The following CDK14 variants were observed in gnomAD, a reference collection of about 807,000 sequenced individuals.
CDK14 encodes cyclin-dependent kinase 14.
Under a neutral mutation model 60.7 loss-of-function variants are expected in CDK14, and 34 were observed. That is an observed-to-expected ratio of 0.56 (90% CI 0.43 to 0.75). The LOEUF (loss-of-function observed/expected upper bound fraction) is 0.75, where lower values mean the gene tolerates loss of function less well. Among genes scored for constraint, CDK14 ranks in the 30% least tolerant of loss-of-function variants. The pLI is 0.00. For synonymous variants in CDK14, 197 were observed against 203.7 expected, an observed-to-expected ratio of 0.97 and a Z score of 0.28; for missense variants, 482 against 564.1, an observed-to-expected ratio of 0.85 and a Z score of 1.47.
intron 2 of CDK14, among the ~76,000 whole-genome samples, chr7:90,656,611 C>G (rs1180544861): frequency 1.3e-5 from 2 of 152,128 alleles, no homozygotes; most frequent in Non-Finnish European, 2.9e-5. Context: ...AACTTCTGAC[C>G]TTGTGATCTG....
chr7:90,599,925 A>G (rs6945415), intron 1 of CDK14, among the ~76,000 whole-genome samples: 96,760 of 152,080 alleles, frequency 0.64, 31,633 homozygotes, highest in Non-Finnish European at 0.72. Flanking sequence ...TAATAATTCT[A>G]AATACATAAA....
intron 3 of CDK14, among the ~76,000 whole-genome samples, chr7:90,730,749 A>T (rs1802829609): frequency 6.6e-6 from 1 of 152,144 alleles, no homozygotes. Context: ...GATTCTGGAT[A>T]TTAGCCCTTT....
chr7:90,899,037 A>G (rs1792420505), intron 6 of CDK14, among the ~76,000 whole-genome samples: 1 of 151,956 alleles, frequency 6.6e-6, no homozygotes, highest in African/African-American at 2.4e-5. Flanking sequence ...GACACTTAAC[A>G]AATTATGGAC....
At chr7:91,131,998 T>TCTG (rs1584105804) in intron 14 of CDK14, among the ~76,000 whole-genome samples, 4 of 121,528 alleles carry the variant, frequency 3.3e-5, no homozygotes, top group South Asian at 2.5e-4. Context: ...AGGAAGTTTT[T>TCTG]TTGTTGGTTG....
At chr7:90,907,855 A>G (rs572949777) in intron 7 of CDK14, among the ~76,000 whole-genome samples, 1 of 152,256 alleles carries the variant, frequency 6.6e-6, no homozygotes, top group Non-Finnish European at 1.5e-5. Context: ...AGATTGTATT[A>G]TACAGATGGC....
At chr7:90,991,356 T>C (rs1475840255) in intron 10 of CDK14, among the ~76,000 whole-genome samples, 1 of 152,010 alleles carries the variant, frequency 6.6e-6, no homozygotes, top group African/African-American at 2.4e-5. Context: ...CATAAGAAGG[T>C]AGAGGGAAAT....
intron 4 of CDK14, among the ~76,000 whole-genome samples, chr7:90,764,500 C>T (rs1804462653): frequency 6.6e-6 from 1 of 152,028 alleles, no homozygotes; most frequent in African/African-American, 2.4e-5. Flanking sequence ...TACTGTACTA[C>T]TAGTAGGAAT....
At chr7:90,906,312 G>A (rs1238619846) in intron 7 of CDK14, among the ~76,000 whole-genome samples, 1 of 152,028 alleles carries the variant, frequency 6.6e-6, no homozygotes, top group Non-Finnish European at 1.5e-5. Flanking sequence ...ATAAGACATT[G>A]TAATAGTTCT....
chr7:90,977,909 G>A (rs781052086), intron 9 of CDK14, among the ~76,000 whole-genome samples: 2 of 152,082 alleles, frequency 1.3e-5, no homozygotes, highest in Non-Finnish European at 2.9e-5. Flanking sequence ...TCCATCTAGA[G>A]GAGACACACC....
At chr7:91,061,788 T>C (rs1797800840) in intron 11 of CDK14, among the ~76,000 whole-genome samples, 1 of 152,206 alleles carries the variant, frequency 6.6e-6, no homozygotes, top group Non-Finnish European at 1.5e-5. Flanking sequence ...TACCCGGCCT[T>C]GTGAGGTGTC....
At chr7:90,950,777 G>A (rs1343033664) in intron 8 of CDK14, among the ~76,000 whole-genome samples, 1 of 152,200 alleles carries the variant, frequency 6.6e-6, no homozygotes, top group Non-Finnish European at 1.5e-5. Context: ...CTAGCTATAT[G>A]TGTTTGGGAT....
chr7:91,151,135 G>A lies in CDK14; in HGVS notation c.*28+32927G>A, dbSNP rs116905636. Among the ~76,000 whole-genome samples the A allele has an allele frequency of 2.1e-4, 32 of 152,240 alleles. No individual in the cohort carries two copies. The East Asian group carries it at 3.9e-3, about 18-fold the overall frequency. On this transcript the variant is annotated intron_variant, in intron 14 of 14. Coordinates refer to ENST00000380050, the MANE Select transcript of CDK14 (RefSeq NM_001287135.2). ...AGTTCCCTTGGTGGGAATACTCCCT[G>A]TGTTTCTGCTTTAGTATTCAGCCTC...
intron 5 of CDK14, among the ~76,000 whole-genome samples, chr7:90,812,216 C>T (rs1297653331): frequency 6.6e-6 from 1 of 152,146 alleles, no homozygotes; most frequent in Non-Finnish European, 1.5e-5. Context: ...TGGAACCAAC[C>T]CAAATATCCA....
At chr7:90,656,789 A>G (rs1800759450) in intron 2 of CDK14, among the ~76,000 whole-genome samples, 1 of 152,224 alleles carries the variant, frequency 6.6e-6, no homozygotes, top group African/African-American at 2.4e-5. Context: ...TTGTGTGACA[A>G]TAAACATGAG....
intron 5 of CDK14, among the ~76,000 whole-genome samples, chr7:90,818,777 T>C (rs989491556): frequency 1.3e-5 from 2 of 152,206 alleles, no homozygotes; most frequent in Admixed American, 1.3e-4. Context: ...CTGCCTTCTT[T>C]AAGTAACACA....
At chr7:90,829,599 T>C (rs985217453) in intron 5 of CDK14, among the ~76,000 whole-genome samples, 2 of 152,070 alleles carry the variant, frequency 1.3e-5, no homozygotes, top group African/African-American at 4.8e-5. Flanking sequence ...TGGCATGATT[T>C]TGGCTCACGG....
At chr7:91,129,288 A>C (rs1289189614) in intron 14 of CDK14, among the ~76,000 whole-genome samples, 1 of 152,226 alleles carries the variant, frequency 6.6e-6, no homozygotes, top group African/African-American at 2.4e-5. Flanking sequence ...GTGACACTCT[A>C]AACTGTATTC....
chr7:90,619,412 G>C (rs1186329944), intron 2 of CDK14, among the ~76,000 whole-genome samples: 2 of 152,102 alleles, frequency 1.3e-5, no homozygotes, highest in Non-Finnish European at 2.9e-5. Context: ...TCTCTTTCCA[G>C]TGTTCCATAA....
intron 9 of CDK14, among the ~76,000 whole-genome samples, chr7:90,982,415 G>A (rs567434381): frequency 6.6e-6 from 1 of 152,276 alleles, no homozygotes; most frequent in African/African-American, 2.4e-5. Context: ...GATTCTCACT[G>A]TAGCTGCCCT....
Sources: allele counts gnomAD v4.1 joint callset (sites outside exome capture counted in the v4.1 genomes callset), GRCh38; gene constraint gnomAD v4.1.1; transcripts MANE v1.5; gene names NCBI Gene and HGNC (gene_info 2026-07-23, HGNC 2026-07-21).